The following WWOX variants were observed in gnomAD, a reference collection of about 807,000 sequenced individuals.
WWOX encodes WW domain containing oxidoreductase, also known as WW domain-containing oxidoreductase.
In WWOX, 69 loss-of-function variants were observed where a neutral mutation model predicts 46.2. The observed-to-expected ratio is 1.49, with a 90% CI of 1.23 to 1.82. WWOX has a LOEUF of 1.82. WWOX is among the 40% of genes most tolerant of loss of function. WWOX has a pLI of 0.00. For synonymous variants in WWOX, 359 were observed against 202.6 expected, an observed-to-expected ratio of 1.77 and a Z score of -6.56; for missense variants, 919 against 542.6, an observed-to-expected ratio of 1.69 and a Z score of -6.89.
intron 8 of WWOX, among the ~76,000 whole-genome samples, chr16:78,854,217 T>C (rs1378350766): frequency 1.3e-5 from 2 of 152,230 alleles, no homozygotes; most frequent in Non-Finnish European, 2.9e-5. Flanking sequence ...CTCAGGTTGC[T>C]TATAATGAGC....
chr16:78,808,266 C>G (rs74569632), intron 8 of WWOX, among the ~76,000 whole-genome samples: 2,558 of 152,290 alleles, frequency 0.017, 75 homozygotes, highest in African/African-American at 0.059. Flanking sequence ...CAGTCATTCA[C>G]CCCTTTGGAC....
chr16:78,289,426 A>G (rs1490177715), intron 5 of WWOX, among the ~76,000 whole-genome samples: 1 of 152,160 alleles, frequency 6.6e-6, no homozygotes, highest in Non-Finnish European at 1.5e-5. Context: ...TACTAATGAA[A>G]AAAAGGGGAA....
intron 8 of WWOX, among the ~76,000 whole-genome samples, chr16:78,463,928 T>C (rs1350070953): frequency 1.3e-4 from 20 of 152,188 alleles, no homozygotes; most frequent in Admixed American, 1.2e-3. Context: ...CAATTTGTAC[T>C]GCTGGTGGAG....
intron 8 of WWOX, among the ~76,000 whole-genome samples, chr16:79,086,357 A>G (rs138341665): frequency 4.2e-4 from 64 of 152,344 alleles, no homozygotes; most frequent in African/African-American, 1.5e-3. Context: ...AATTTGTGCA[A>G]AGAAAATGCA....
rs546353591 is a variant in WWOX at position 78,874,714 on chromosome 16, C to CT, written c.1057-336893dup. 1.2e-4 allele frequency among the ~76,000 whole-genome samples: 13 copies of CT among 107,414 alleles called. No homozygotes were observed. The South Asian group carries it at 2.3e-3, about 19-fold the overall frequency. 70.5% of individuals were successfully genotyped at this position (107,414 alleles called of 152,430 possible). On this transcript the variant is annotated intron_variant, in intron 8 of 8. Transcript: ENST00000566780. Reference sequence around the variant, plus strand: ...TTTTTTTTTTTTTTTTTTTGGCTGACTGTCATGACTTAGTAAGGCCATCAC... The same window carrying CT: ...TTTTTTTTTTTTTTTTTTTGGCTGACTTGTCATGACTTAGTAAGGCCATCAC...
intron 5 of WWOX, among the ~76,000 whole-genome samples, chr16:78,358,789 T>C: frequency 6.6e-6 from 1 of 151,960 alleles, no homozygotes; most frequent in Non-Finnish European, 1.5e-5. Flanking sequence ...CAGGAACAAT[T>C]ACTGTGAATT....
chr16:78,763,574 T>C (rs1316966017), intron 8 of WWOX, among the ~76,000 whole-genome samples: 2 of 152,228 alleles, frequency 1.3e-5, no homozygotes, highest in Admixed American at 6.5e-5. Context: ...TCTTTGATTC[T>C]TAAGGTATTT....
intron 8 of WWOX, among the ~76,000 whole-genome samples, chr16:78,716,978 TCA>T (rs1256416862): frequency 6.6e-6 from 1 of 152,200 alleles, no homozygotes; most frequent in Non-Finnish European, 1.5e-5. Flanking sequence ...CTTGATGTTC[TCA>T]GTCGTAAAAT....
chr16:78,621,338 A>C (rs960918963), intron 8 of WWOX, among the ~76,000 whole-genome samples: 1 of 151,394 alleles, frequency 6.6e-6, no homozygotes, highest in Non-Finnish European at 1.5e-5. Flanking sequence ...CTCACCACCC[A>C]CCCAGTTCCT....
chr16:78,819,670 C>T (rs2051439689), intron 8 of WWOX, among the ~76,000 whole-genome samples: 1 of 152,292 alleles, frequency 6.6e-6, no homozygotes, highest in Non-Finnish European at 1.5e-5. Flanking sequence ...ACCACCTTGC[C>T]CTTGAATTCT....
At position 78,705,368 on chromosome 16, in the gene WWOX, G is replaced by A. The variant is rs981469258; in HGVS notation, c.1056+272616G>A. Among the ~76,000 whole-genome samples the A allele has an allele frequency of 2.0e-5, 3 of 152,178 alleles. No homozygotes were observed. The East Asian group carries it at 5.8e-4, about 29-fold the overall frequency. On this transcript the variant is annotated intron_variant, in intron 8 of 8. Transcript: ENST00000566780. ...AAACAACACAAAACAACACATAAGAGAGTCAAAGGGACTTCTTTGGGGAGA... is the reference window on the plus strand; with the variant it reads ...AAACAACACAAAACAACACATAAGAAAGTCAAAGGGACTTCTTTGGGGAGA...
chr16:78,458,401 TTG>T (rs2083876545), intron 8 of WWOX, among the ~76,000 whole-genome samples: 1 of 151,310 alleles, frequency 6.6e-6, no homozygotes, highest in Non-Finnish European at 1.5e-5. Flanking sequence ...GCTGGGACTA[TTG>T]GCAATGCCAC....
At chr16:78,157,219 T>C (rs527356045) in intron 4 of WWOX, among the ~76,000 whole-genome samples, 1 of 152,322 alleles carries the variant, frequency 6.6e-6, no homozygotes, top group Admixed American at 6.5e-5. Context: ...CCAAATGCAG[T>C]TGTGTTTGGT....
intron 8 of WWOX, among the ~76,000 whole-genome samples, chr16:78,547,739 G>T (rs1245180837): frequency 6.6e-6 from 1 of 152,096 alleles, no homozygotes; most frequent in Non-Finnish European, 1.5e-5. Context: ...CGTGGGAGGG[G>T]CAAAGGGTCT....
chr16:79,007,766 C>T (rs964230706), intron 8 of WWOX, among the ~76,000 whole-genome samples: 5 of 152,146 alleles, frequency 3.3e-5, no homozygotes, highest in Admixed American at 1.3e-4. Flanking sequence ...AGCTCTTTCT[C>T]GGATACCAAA....
intron 8 of WWOX, among the ~76,000 whole-genome samples, chr16:78,622,542 TAAA>T (rs35888465): frequency 1.4e-5 from 2 of 144,166 alleles, no homozygotes; most frequent in Non-Finnish European, 1.5e-5. Context: ...AACTCCATCT[TAAA>T]AAAAAAAAAA....
At chr16:79,032,666 G>GTATA (rs35179419) in intron 8 of WWOX, among the ~76,000 whole-genome samples, 32 of 148,100 alleles carry the variant, frequency 2.2e-4, no homozygotes, top group South Asian at 4.3e-4. Flanking sequence ...ATTTACATAT[G>GTATA]TATATATATA....
intron 5 of WWOX, among the ~76,000 whole-genome samples, chr16:78,269,433 C>G (rs945545777): frequency 6.6e-6 from 1 of 152,178 alleles, no homozygotes; most frequent in African/African-American, 2.4e-5. Context: ...ATGGCTCCTG[C>G]AGCAGCCATT....
chr16:78,606,148 T>G (rs1597338152), intron 8 of WWOX, among the ~76,000 whole-genome samples: 2 of 152,358 alleles, frequency 1.3e-5, no homozygotes, highest in Non-Finnish European at 2.9e-5. Context: ...ATGGTTTCGT[T>G]AACACAGTCA....
Sources: gnomAD v4.1 joint callset for allele counts (sites outside exome capture counted in the v4.1 genomes callset) on GRCh38, gnomAD v4.1.1 for gene constraint, MANE v1.5 for transcripts, NCBI Gene and HGNC (gene_info 2026-07-23, HGNC 2026-07-21) for gene names.